MGAT4C: variants seen among roughly 807,000 people sequenced by gnomAD.
MGAT4C encodes alpha-1,3-mannosyl-glycoprotein 4-beta-N-acetylglucosaminyltransferase C.
Under a neutral mutation model 40.1 loss-of-function variants are expected in MGAT4C, and 19 were observed. The observed-to-expected ratio is 0.47, with a 90% confidence interval of 0.33 to 0.70. The LOEUF is 0.70. MGAT4C is among the 30% of genes least tolerant of loss of function. The pLI, the probability that MGAT4C is intolerant of heterozygous loss-of-function variation, is 0.02. For synonymous variants in MGAT4C, 181 were observed against 187.1 expected (o/e 0.97, Z 0.27); for missense variants, 491 against 563.2 (o/e 0.87, Z 1.30).
intron 3 of MGAT4C, among the ~76,000 whole-genome samples, chr12:86,421,390 T>C (rs78679225): frequency 0.027 from 4,133 of 152,308 alleles, 156 homozygotes; most frequent in African/African-American, 0.086. Flanking sequence ...CTCATACCTT[T>C]GGTTGTCAAA....
intron 2 of MGAT4C, among the ~76,000 whole-genome samples, chr12:86,642,113 A>C (rs935445349): frequency 7.9e-5 from 12 of 151,854 alleles, no homozygotes; most frequent in Non-Finnish European, 1.6e-4. Context: ...GTTCCTACAA[A>C]TTGGAGGAGT....
intron 2 of MGAT4C, among the ~76,000 whole-genome samples, chr12:86,643,043 T>C (rs924247881): frequency 2.0e-5 from 3 of 151,708 alleles, no homozygotes; most frequent in Non-Finnish European, 4.4e-5. Flanking sequence ...GTCTGTTCTG[T>C]GCTGTTACAG....
At chr12:86,635,943 G>A (rs1241004537) in intron 2 of MGAT4C, among the ~76,000 whole-genome samples, 5 of 151,786 alleles carry the variant, frequency 3.3e-5, no homozygotes, top group Non-Finnish European at 7.4e-5. Flanking sequence ...TGGCCTCCCA[G>A]TGTGCTGAGA....
intron 2 of MGAT4C, among the ~76,000 whole-genome samples, chr12:86,706,190 G>C (rs34357343): frequency 2.6e-5 from 4 of 151,958 alleles, no homozygotes; most frequent in Non-Finnish European, 5.9e-5. Flanking sequence ...TTAAGAAGAA[G>C]GTAATGTAAG....
intron 1 of MGAT4C, among the ~76,000 whole-genome samples, chr12:86,108,638 T>G (rs1876651472): frequency 6.6e-6 from 1 of 152,146 alleles, no homozygotes; most frequent in Non-Finnish European, 1.5e-5. Context: ...CTTGGGTGAC[T>G]TCGTGTCCTG....
intron 1 of MGAT4C, among the ~76,000 whole-genome samples, chr12:86,191,083 GCACACACACACACA>G (rs56357601): frequency 0.029 from 4,022 of 138,440 alleles, 123 homozygotes; most frequent in African/African-American, 0.075. Flanking sequence ...CTCTCTCTCT[GCACACACACACACA>G]CACACACACA....
chr12:86,608,292 A>G (rs1962115411), intron 2 of MGAT4C, among the ~76,000 whole-genome samples: 1 of 152,140 alleles, frequency 6.6e-6, no homozygotes, highest in Non-Finnish European at 1.5e-5. Context: ...AAAAATGAAA[A>G]GATTCGGCCA....
upstream of MGAT4C, among the ~76,000 whole-genome samples, chr12:86,261,180 T>C (rs566318386): frequency 6.6e-6 from 1 of 152,242 alleles, no homozygotes; most frequent in African/African-American, 2.4e-5. Flanking sequence ...TAAACATGTA[T>C]TGAATTGATT....
chr12:86,118,305 G>A (rs1045551160), intron 1 of MGAT4C, among the ~76,000 whole-genome samples: 1 of 152,120 alleles, frequency 6.6e-6, no homozygotes, highest in African/African-American at 2.4e-5. Flanking sequence ...GGTCCGGCAA[G>A]GAACAAGATC....
At chr12:86,514,347 A>C (rs893763479) in intron 2 of MGAT4C, among the ~76,000 whole-genome samples, 2 of 152,168 alleles carry the variant, frequency 1.3e-5, no homozygotes, top group African/African-American at 4.8e-5. Context: ...AATTTAAAAA[A>C]TGCCATGAAC....
chr12:86,299,243 T>A (rs900826713), intron 4 of MGAT4C, among the ~76,000 whole-genome samples: 3 of 152,266 alleles, frequency 2.0e-5, no homozygotes, highest in East Asian at 3.9e-4. Context: ...CAGCCTCCTG[T>A]GTAGCTGGGA....
chr12:86,554,400 T>G (rs1016263535), intron 2 of MGAT4C, among the ~76,000 whole-genome samples: 1 of 152,168 alleles, frequency 6.6e-6, no homozygotes, highest in Admixed American at 6.6e-5. Context: ...TGTCATTATT[T>G]GCTACTTCCT....
At position 86,269,020 on chromosome 12, in the gene MGAT4C, ATATATATATAT is replaced by A. The variant is rs1566246042; in HGVS notation, c.-57+65034_-57+65044del. Among the ~76,000 whole-genome samples the A allele has an allele frequency of 2.8e-3, 33 of 11,786 alleles. 1 individual carries two copies. The highest frequency in any genetic ancestry group is 8.3e-3 in the African/African-American group (32 of 3,844). The allele number at this position is 11,786 out of a possible 152,430, so 7.7% of individuals were successfully genotyped here. A position where few individuals can be genotyped will look rare whatever the true frequency, so the allele number is the denominator to read the frequency against. ...TATATTCTTTCATACTTACATATAT[ATATATATATAT>A]ATATATATATATATATATATATATA... On this transcript the variant is annotated intron_variant, in intron 4 of 7. Transcript: ENST00000548651.
At chr12:86,142,825 T>G (rs1305905352) in intron 1 of MGAT4C, among the ~76,000 whole-genome samples, 6 of 151,912 alleles carry the variant, frequency 3.9e-5, no homozygotes, top group Non-Finnish European at 7.4e-5. Context: ...CTCTCAAAAT[T>G]CATATGTTGA....
chr12:86,559,867 TTG>T (rs1047578325), intron 2 of MGAT4C, among the ~76,000 whole-genome samples: 1 of 151,848 alleles, frequency 6.6e-6, no homozygotes, highest in African/African-American at 2.4e-5. Context: ...GTTGTTGTTG[TTG>T]TGTGTGTGTT....
intron 4 of MGAT4C, among the ~76,000 whole-genome samples, chr12:86,300,799 C>T (rs769071623): frequency 2.0e-5 from 3 of 151,860 alleles, no homozygotes; most frequent in African/African-American, 7.3e-5. Flanking sequence ...TAAAGTTGTA[C>T]TGCAAAAAAT....
intron 2 of MGAT4C, among the ~76,000 whole-genome samples, chr12:86,716,112 C>T (rs1384503665): frequency 6.6e-6 from 1 of 152,088 alleles, no homozygotes; most frequent in South Asian, 2.1e-4. Context: ...AAAATAGTCC[C>T]ACTGGTTTTC....
At chr12:86,768,102 G>A (rs1280342736) in intron 1 of MGAT4C, among the ~76,000 whole-genome samples, 2 of 152,108 alleles carry the variant, frequency 1.3e-5, no homozygotes, top group Non-Finnish European at 2.9e-5. Context: ...TGACATGATT[G>A]TATATCTAGA....
At chr12:86,167,268 T>C (rs1886292725) in intron 1 of MGAT4C, among the ~76,000 whole-genome samples, 1 of 152,350 alleles carries the variant, frequency 6.6e-6, no homozygotes, top group South Asian at 2.1e-4. Context: ...GTTATAGTCA[T>C]ACAAAATTGT....
Sources: allele counts gnomAD v4.1 joint callset (sites outside exome capture counted in the v4.1 genomes callset), GRCh38; gene constraint gnomAD v4.1.1; transcripts MANE v1.5; gene names NCBI Gene and HGNC (gene_info 2026-07-23, HGNC 2026-07-21).